Variants in TUT4 observed in about 807,000 individuals in gnomAD.
TUT4 encodes terminal uridylyltransferase 4.
In TUT4, 36 loss-of-function variants were observed where a neutral mutation model predicts 192.2. That is an observed-to-expected ratio of 0.19 (90% confidence interval 0.14 to 0.25). The LOEUF (loss-of-function observed/expected upper bound fraction) is 0.25, where lower values mean the gene tolerates loss of function less well. Among genes scored for constraint, TUT4 ranks in the 10% least tolerant of loss-of-function variants. The pLI, the probability that TUT4 is intolerant of heterozygous loss-of-function variation, is 1.00. For synonymous variants in TUT4, 618 were observed against 666.0 expected, an observed-to-expected ratio of 0.93 and a Z score of 1.11; for missense variants, 1,493 against 1,957.2, an observed-to-expected ratio of 0.76 and a Z score of 4.47.
intron 4 of TUT4, among the ~76,000 whole-genome samples, chr1:52,498,903 TATATATATATATATATATATATATA>T (rs1673254498): frequency 9.9e-4 from 1 of 1,008 alleles, no homozygotes; most frequent in African/African-American, 1.4e-3. Context: ...AAAAAAAAAT[TATATATATATATATATATATATATA>T]TATATATATA....
intron 29 of TUT4, chr1:52,425,108 T>TA: frequency 2.8e-6 from 1 of 360,370 alleles, no homozygotes; most frequent in Non-Finnish European, 4.9e-6. Context: ...AGGGCAATGT[T>TA]AACTGATTCA....
At chr1:52,503,717 T>G (rs897182092) in intron 4 of TUT4, among the ~76,000 whole-genome samples, 1 of 152,208 alleles carries the variant, frequency 6.6e-6, no homozygotes, top group Non-Finnish European at 1.5e-5. Context: ...AGACATCTTT[T>G]AAGCTTTTAG....
chr1:52,439,609 T>TA (rs1654894203), intron 24 of TUT4, among the ~76,000 whole-genome samples: 1 of 152,138 alleles, frequency 6.6e-6, no homozygotes, highest in African/African-American at 2.4e-5. Context: ...AAGATGCCTA[T>TA]AGCTTTAAAA....
chr1:52,436,606 A>G, intron 26 of TUT4, 149 bp downstream of exon 26: 1 of 1,247,586 alleles, frequency 8.0e-7, no homozygotes, highest in Non-Finnish European at 1.1e-6. Flanking sequence ...TAAAAGCCTC[A>G]TTGTCTAAAT....
At chr1:52,464,179 G>A (rs557236599) in intron 16 of TUT4, among the ~76,000 whole-genome samples, 1 of 152,252 alleles carries the variant, frequency 6.6e-6, no homozygotes, top group East Asian at 1.9e-4. Context: ...AGTGTATACT[G>A]GGAACTCAAT....
intron 3 of TUT4, among the ~76,000 whole-genome samples, 185 bp from the exon 4 acceptor site, chr1:52,509,897 CT>C (rs897323569): frequency 4.5e-4 from 69 of 152,072 alleles, no homozygotes; most frequent in African/African-American, 1.6e-3. Flanking sequence ...GATAGTAGTC[CT>C]TTTTCAAAAT....
intron 13 of TUT4, among the ~76,000 whole-genome samples, chr1:52,473,668 A>G (rs1009785205): frequency 2.0e-5 from 3 of 152,194 alleles, no homozygotes; most frequent in Non-Finnish European, 4.4e-5. Flanking sequence ...CGATAAAACA[A>G]TAAGCCTGGA....
chr1:52,520,387 G>A (rs763699268), intron 2 of TUT4, among the ~76,000 whole-genome samples: 34 of 152,202 alleles, frequency 2.2e-4, no homozygotes, highest in Non-Finnish European at 4.4e-4. Context: ...GAAGGGTGAT[G>A]TAAGTGAAAG....
chr1:52,542,123 C>T (rs180748622), intron 1 of TUT4, among the ~76,000 whole-genome samples: 72 of 152,190 alleles, frequency 4.7e-4, no homozygotes, highest in Non-Finnish European at 8.2e-4. Flanking sequence ...TCTACTGATA[C>T]GCAGTACCTA....
chr1:52,541,487 G>A (rs1043458062), intron 1 of TUT4, among the ~76,000 whole-genome samples: 21 of 150,546 alleles, frequency 1.4e-4, no homozygotes, highest in Non-Finnish European at 2.5e-4. Context: ...AGCCAAGATC[G>A]CGCCATTGCG....
intron 4 of TUT4, among the ~76,000 whole-genome samples, chr1:52,503,329 T>G (rs1232667023): frequency 6.6e-6 from 1 of 152,170 alleles, no homozygotes; most frequent in African/African-American, 2.4e-5. Flanking sequence ...AAATGATTAT[T>G]TAAATTAAAA....
At chr1:52,460,983 G>A in intron 19 of TUT4, 151 bp downstream of exon 19, 3 of 489,902 alleles carry the variant, frequency 6.1e-6, no homozygotes, top group East Asian at 3.1e-5. Flanking sequence ...TACTCTGATA[G>A]GTATCTATTC....
At chr1:52,442,793 G>C (rs1156730058) in intron 24 of TUT4, among the ~76,000 whole-genome samples, 3 of 152,098 alleles carry the variant, frequency 2.0e-5, no homozygotes, top group Non-Finnish European at 4.4e-5. Context: ...TTTTGAAAGA[G>C]AATAAAATAA....
intron 11 of TUT4, 39 bp downstream of exon 11, chr1:52,481,383 AC>A: frequency 6.3e-7 from 1 of 1,586,916 alleles, no homozygotes; most frequent in East Asian, 2.2e-5. Flanking sequence ...CACAAATTCT[AC>A]AGATAGAAAA....
At chr1:52,486,150 T>G (rs1669730982) in intron 9 of TUT4, among the ~76,000 whole-genome samples, 1 of 152,184 alleles carries the variant, frequency 6.6e-6, no homozygotes, top group Non-Finnish European at 1.5e-5. Context: ...TGTCAATATA[T>G]TCTGCTAACA....
At chr1:52,495,398 A>G in intron 6 of TUT4, 29 bp downstream of exon 6, 1 of 1,411,104 alleles carries the variant, frequency 7.1e-7, no homozygotes, top group East Asian at 2.3e-5. Flanking sequence ...CTAGTTAAGA[A>G]CCACACAGGA....
At chr1:52,471,522 T>C (rs1246546570) in intron 14 of TUT4, among the ~76,000 whole-genome samples, 1 of 152,218 alleles carries the variant, frequency 6.6e-6, no homozygotes, top group Non-Finnish European at 1.5e-5. Flanking sequence ...TCATCTATAG[T>C]GTTATCCAAG....
chr1:52,548,911 A>C (rs1367241125), intron 1 of TUT4, among the ~76,000 whole-genome samples: 1 of 152,230 alleles, frequency 6.6e-6, no homozygotes, highest in Admixed American at 6.5e-5. Flanking sequence ...GCTAAACTAG[A>C]AAATAGTCAA....
intron 16 of TUT4, chr1:52,463,635 A>G: frequency 3.1e-6 from 4 of 1,302,838 alleles, no homozygotes; most frequent in Non-Finnish European, 4.0e-6. Context: ...AAATAACAAT[A>G]GCTAGGCTGG....
Sources: allele counts gnomAD v4.1 joint callset (sites outside exome capture counted in the v4.1 genomes callset), GRCh38; gene constraint gnomAD v4.1.1; transcripts MANE v1.5; gene names NCBI Gene and HGNC (gene_info 2026-07-23, HGNC 2026-07-21).